The following PCCA variants were observed in gnomAD, a reference collection of about 807,000 sequenced individuals.
PCCA encodes propionyl-CoA carboxylase subunit alpha.
In PCCA, 74 loss-of-function variants were observed where a neutral mutation model predicts 101.3. That is an observed-to-expected ratio of 0.73 (90% CI 0.61 to 0.89). The LOEUF (loss-of-function observed/expected upper bound fraction) is 0.89, where lower values mean the gene tolerates loss of function less well. PCCA is among the 40% of genes least tolerant of loss of function. The pLI, the probability that PCCA is intolerant of heterozygous loss-of-function variation, is 0.00. For synonymous variants in PCCA, 294 were observed against 313.6 expected (o/e 0.94, Z 0.66); for missense variants, 891 against 907.0 (o/e 0.98, Z 0.23).
At chr13:100,423,756 T>C (rs1274663866) in intron 19 of PCCA, among the ~76,000 whole-genome samples, 1 of 152,198 alleles carries the variant, frequency 6.6e-6, no homozygotes, top group Non-Finnish European at 1.5e-5. Context: ...TGGGGTAATG[T>C]GTTTCAGTTT....
chr13:100,422,119 TTTTCTTTCTTTCTTTC>T (rs1237121901), intron 19 of PCCA, among the ~76,000 whole-genome samples: 1,685 of 82,186 alleles, frequency 0.021, 46 homozygotes, highest in African/African-American at 0.067. Flanking sequence ...TCTTTCTTTC[TTTTCTTTCTTTCTTTC>T]TTTTTTTTTT....
At chr13:100,252,842 G>C (rs953255412) in intron 8 of PCCA, among the ~76,000 whole-genome samples, 1 of 152,082 alleles carries the variant, frequency 6.6e-6, no homozygotes, top group Admixed American at 6.6e-5. Context: ...TTCCTCATCA[G>C]CTCCTTGTTT....
intron 12 of PCCA, among the ~76,000 whole-genome samples, chr13:100,274,437 A>G (rs1478651486): frequency 6.6e-6 from 1 of 152,158 alleles, no homozygotes; most frequent in African/African-American, 2.4e-5. Flanking sequence ...GTTTGCTAGG[A>G]CTACCATAAC....
intron 16 of PCCA, among the ~76,000 whole-genome samples, chr13:100,312,134 G>A (rs139472836): frequency 7.9e-5 from 12 of 152,320 alleles, no homozygotes; most frequent in Admixed American, 6.5e-4. Context: ...GAATGAATGA[G>A]TGAGCAAGTG....
chr13:100,507,919 G>A (rs2086203567), intron 21 of PCCA, among the ~76,000 whole-genome samples: 1 of 152,120 alleles, frequency 6.6e-6, no homozygotes, highest in Admixed American at 6.5e-5. Context: ...GCCTCCCAAA[G>A]TGCTGGGATT....
chr13:100,427,278 C>T (rs1384347871), intron 20 of PCCA, among the ~76,000 whole-genome samples: 3 of 152,148 alleles, frequency 2.0e-5, no homozygotes, highest in Non-Finnish European at 2.9e-5. Context: ...GGTTTATGTT[C>T]GATAGACTGT....
chr13:100,260,139 GGT>G (rs2062390321), intron 9 of PCCA, among the ~76,000 whole-genome samples: 1 of 152,006 alleles, frequency 6.6e-6, no homozygotes, highest in African/African-American at 2.4e-5. Context: ...TTGATTATAT[GGT>G]ATCGAAAACT....
At chr13:100,374,627 G>A (rs1007997234) in intron 19 of PCCA, among the ~76,000 whole-genome samples, 1 of 152,104 alleles carries the variant, frequency 6.6e-6, no homozygotes, top group South Asian at 2.1e-4. Flanking sequence ...AGAAAGAGTT[G>A]AAAGAAGAGT....
intron 1 of PCCA, among the ~76,000 whole-genome samples, chr13:100,090,442 TA>T (rs1326967541): frequency 4.6e-5 from 7 of 152,268 alleles, no homozygotes; most frequent in African/African-American, 1.7e-4. Flanking sequence ...TAGTATGGTG[TA>T]AAGTGTGGGC....
chr13:100,488,514 C>CT (rs1312937934), intron 21 of PCCA, among the ~76,000 whole-genome samples: 1 of 152,068 alleles, frequency 6.6e-6, no homozygotes, highest in Admixed American at 6.5e-5. Flanking sequence ...TGGCTCACAC[C>CT]TGTAATCCCA....
chr13:100,329,334 G>A (rs143565573), intron 16 of PCCA, among the ~76,000 whole-genome samples: 5 of 152,226 alleles, frequency 3.3e-5, no homozygotes, highest in East Asian at 3.9e-4. Flanking sequence ...TCAGCAGCGC[G>A]TTTGGCCCAG....
At chr13:100,335,547 A>G (rs1479053686) in intron 17 of PCCA, among the ~76,000 whole-genome samples, 1 of 152,182 alleles carries the variant, frequency 6.6e-6, no homozygotes, top group Non-Finnish European at 1.5e-5. Flanking sequence ...CTGACCTAAA[A>G]TATCTGTAAA....
At chr13:100,093,830 T>G (rs1290842722) in intron 1 of PCCA, among the ~76,000 whole-genome samples, 1 of 152,092 alleles carries the variant, frequency 6.6e-6, no homozygotes, top group African/African-American at 2.4e-5. Flanking sequence ...TTCTAGGTAC[T>G]TGGGAGGCTG....
chr13:100,220,172 C>G (rs2059736990), intron 7 of PCCA, among the ~76,000 whole-genome samples: 1 of 152,196 alleles, frequency 6.6e-6, no homozygotes, highest in African/African-American at 2.4e-5. Flanking sequence ...TCTGCTAGAA[C>G]AACTGAATTA....
At chr13:100,185,195 C>T (rs1594603201) in intron 6 of PCCA, among the ~76,000 whole-genome samples, 2 of 152,156 alleles carry the variant, frequency 1.3e-5, no homozygotes, top group African/African-American at 4.8e-5. Flanking sequence ...TCTTGCTTCT[C>T]TTTATACTTT....
chr13:100,111,011 A>T lies in PCCA; in HGVS notation c.184-830A>T, dbSNP rs574312685. ...CACGCCGGCTAATTTTTGTATTTAA[A>T]TTATTTATTTATTTATTTAGAGATG... On this transcript the variant is annotated intron_variant, in intron 2 of 23. Transcript: ENST00000376285. Among the ~76,000 whole-genome samples, 9 of 150,886 alleles carry T rather than the reference A, an allele frequency of 6.0e-5. No homozygotes were observed. In the Admixed American group the frequency reaches 6.0e-4, roughly 10 times the overall value.
Position 100,397,365 on chromosome 13 carries a change from C to A in PCCA, c.1747-28268C>A, listed in dbSNP as rs550560058. On this transcript the variant is annotated intron_variant, in intron 19 of 23. Transcript: ENST00000376285. ...GTTAGTAACGTCTCCATTGTAGGAT[C>A]GTTCCTAGGATTCTGTGAGTGTGAT... Among the ~76,000 whole-genome samples, 4 of 152,184 alleles carry A rather than the reference C, an allele frequency of 2.6e-5. No individual in the cohort carries two copies. In the South Asian group the frequency reaches 8.3e-4, roughly 32 times the overall value.
chr13:100,228,138 C>T (rs1284212810), intron 7 of PCCA, among the ~76,000 whole-genome samples: 1 of 152,160 alleles, frequency 6.6e-6, no homozygotes, highest in Non-Finnish European at 1.5e-5. Flanking sequence ...GCCTCAGCCC[C>T]CGGAGTAGCT....
intron 18 of PCCA, among the ~76,000 whole-genome samples, chr13:100,362,066 A>T (rs1202231721): frequency 6.6e-6 from 1 of 152,194 alleles, no homozygotes; most frequent in East Asian, 1.9e-4. Flanking sequence ...CTCAGCAAGA[A>T]AAAAAGGATG....
Sources: gnomAD v4.1 joint callset for allele counts (sites outside exome capture counted in the v4.1 genomes callset) on GRCh38, gnomAD v4.1.1 for gene constraint, MANE v1.5 for transcripts, NCBI Gene and HGNC (gene_info 2026-07-23, HGNC 2026-07-21) for gene names.